P2RY14: variants seen among roughly 807,000 people sequenced by gnomAD.
The protein encoded by P2RY14 is P2Y purinoceptor 14.
In P2RY14, 2 loss-of-function variants were observed where a neutral mutation model predicts 0.9. That is an observed-to-expected ratio of 2.16 (90% CI 0.88 to 6.79). P2RY14 has a LOEUF of 6.79. Among genes scored for constraint, P2RY14 ranks in the 30% most tolerant of loss-of-function variants. The pLI, the probability that P2RY14 is intolerant of heterozygous loss-of-function variation, is 0.05. For missense variants in P2RY14, 378 were observed against 400.1 expected (o/e 0.94, Z 0.47); for synonymous variants, 158 against 147.2 (o/e 1.07, Z -0.53).
intron 1 of P2RY14, among the ~76,000 whole-genome samples, chr3:151,223,645 A>G (rs1729867130): frequency 6.6e-6 from 1 of 152,224 alleles, no homozygotes; most frequent in Admixed American, 6.5e-5. Context: ...TTGGATACAC[A>G]TGGACACAAA....
At chr3:151,247,637 G>A (rs1262169978) in intron 1 of P2RY14, among the ~76,000 whole-genome samples, 1 of 141,914 alleles carries the variant, frequency 7.0e-6, no homozygotes, top group African/African-American at 2.6e-5. Flanking sequence ...GGGAGGGATA[G>A]CATTGGGAGA....
At position 151,213,334 on chromosome 3, in the gene P2RY14, C is replaced by T. The variant is rs1286694741; in HGVS notation, c.983G>A (p.Gly328Glu). 1.9e-6 allele frequency: 3 copies of T among 1,612,174 alleles called. No homozygotes were observed. Among genetic ancestry groups the T allele is most frequent in the Non-Finnish European group, 2.5e-6 (3 of 1,179,414 alleles). Reference protein sequence around the residue: ...NDLDISRIKRGNTTLESTDTL With the variant: ...NDLDISRIKRENTTLESTDTL ...ATCTGTGCTTTCAAGTGTTGTATTT[C>T]CTCTTTTGATTCTGGAAATGTCTAG... Residue 328 changes from glycine (G) to glutamate (E), a missense_variant, in exon 3 of 3, where the codon GGA (glycine) becomes GAA (glutamate). Coordinates refer to ENST00000309170, the MANE Select transcript of P2RY14 (RefSeq NM_014879.4).
At chr3:151,239,100 A>G (rs1285169481) in intron 1 of P2RY14, among the ~76,000 whole-genome samples, 1 of 152,240 alleles carries the variant, frequency 6.6e-6, no homozygotes, top group African/African-American at 2.4e-5. Context: ...GAGGAGGGGC[A>G]ATATTAATTA....
At chr3:151,273,273 C>A (rs960934384) in intron 1 of P2RY14, among the ~76,000 whole-genome samples, 1 of 148,558 alleles carries the variant, frequency 6.7e-6, no homozygotes, top group Non-Finnish European at 1.5e-5. Context: ...CTGTGTCACC[C>A]AGGCTGTGGT....
intron 1 of P2RY14, among the ~76,000 whole-genome samples, chr3:151,249,554 G>A (rs1736436833): frequency 6.6e-6 from 1 of 152,052 alleles, no homozygotes; most frequent in Admixed American, 6.6e-5. Flanking sequence ...ATCTCCTCTG[G>A]GACTTGGGGG....
chr3:151,258,218 A>G (rs1195925077), intron 1 of P2RY14, among the ~76,000 whole-genome samples: 4 of 152,216 alleles, frequency 2.6e-5, no homozygotes, highest in Non-Finnish European at 5.9e-5. Flanking sequence ...TCTGGAAGCT[A>G]GATGGGAACT....
chr3:151,214,340 C>A lies in P2RY14; in HGVS notation c.-24G>T. On this transcript the variant is annotated splice_region_variant and 5_prime_UTR_variant, in exon 3 of 3. Coordinates refer to ENST00000309170, the MANE Select transcript of P2RY14 (RefSeq NM_014879.4). ...ATCTTGTAACTTCTGAAGGCAGAGGCCTGAAAAGAGGTGTGAACTGGTCAC... is the reference window on the plus strand; with the variant it reads ...ATCTTGTAACTTCTGAAGGCAGAGGACTGAAAAGAGGTGTGAACTGGTCAC... 1 of 1,600,864 alleles carries A rather than the reference C, an allele frequency of 6.2e-7. No individual in the cohort carries two copies. Among genetic ancestry groups the A allele is most frequent in the Non-Finnish European group, 8.5e-7 (1 of 1,173,188 alleles).
intron 1 of P2RY14, chr3:151,269,421 ACAC>A (rs1740453006): frequency 9.6e-6 from 2 of 208,892 alleles, no homozygotes; most frequent in African/African-American, 4.7e-5. Context: ...ACACACACAC[ACAC>A]ACACACACAC....
At chr3:151,218,635 G>A (rs369646529) in intron 2 of P2RY14, among the ~76,000 whole-genome samples, 1 of 151,954 alleles carries the variant, frequency 6.6e-6, no homozygotes, top group Non-Finnish European at 1.5e-5. Context: ...TTGGGAGGCC[G>A]AGGTGGGTGG....
intron 1 of P2RY14, among the ~76,000 whole-genome samples, chr3:151,228,719 A>C (rs1026223245): frequency 6.6e-6 from 1 of 152,184 alleles, no homozygotes; most frequent in African/African-American, 2.4e-5. Context: ...ACACAATGCT[A>C]ATCTTTCATG....
chr3:151,272,626 A>G (rs1357677312), intron 1 of P2RY14, among the ~76,000 whole-genome samples: 1 of 152,238 alleles, frequency 6.6e-6, no homozygotes, highest in East Asian at 1.9e-4. Context: ...TGCCCCAAGT[A>G]TAAAATATTG....
chr3:151,241,791 C>T lies in P2RY14; in HGVS notation c.-132-22149G>A, dbSNP rs145984473. ...TGAATTAGGGGAGGAGCCAAGATGG[C>T]CCAATAGGAACAGCTCCGGTCTACA... On this transcript the variant is annotated intron_variant, in intron 1 of 2. Transcript: ENST00000309170. 1,414 of 153,772 alleles carry T rather than the reference C, an allele frequency of 9.2e-3. 18 individuals carry two copies. Among genetic ancestry groups the T allele is most frequent in the African/African-American group, 0.032 (1,337 of 41,404 alleles). The allele number at this position is 153,772 out of a possible 1,614,324, so 9.5% of individuals were successfully genotyped here.
intron 1 of P2RY14, among the ~76,000 whole-genome samples, chr3:151,245,399 C>A (rs1373873992): frequency 6.7e-6 from 1 of 150,130 alleles, no homozygotes; most frequent in Non-Finnish European, 1.5e-5. Context: ...AATCCAGCAG[C>A]ACATCAAAAA....
intron 1 of P2RY14, among the ~76,000 whole-genome samples, chr3:151,246,166 A>C (rs1735411220): frequency 6.6e-6 from 1 of 152,252 alleles, no homozygotes; most frequent in Non-Finnish European, 1.5e-5. Context: ...GGGTAGGAAG[A>C]ATAAATATCG....
chr3:151,263,977 C>G (rs186738399), intron 1 of P2RY14, among the ~76,000 whole-genome samples: 53 of 152,338 alleles, frequency 3.5e-4, no homozygotes, highest in African/African-American at 1.2e-3. Context: ...AGATCTCTTA[C>G]CACCACTCCT....
At chr3:151,232,953 C>G (rs758880773) in intron 1 of P2RY14, among the ~76,000 whole-genome samples, 1 of 152,186 alleles carries the variant, frequency 6.6e-6, no homozygotes, top group Non-Finnish European at 1.5e-5. Flanking sequence ...AAACCATCAT[C>G]TGTAAAACAA....
intron 1 of P2RY14, among the ~76,000 whole-genome samples, chr3:151,276,558 CT>C (rs1741893557): frequency 6.6e-6 from 1 of 152,184 alleles, no homozygotes; most frequent in South Asian, 2.1e-4. Context: ...ACCGACCTAA[CT>C]TCTAAGGATA....
chr3:151,253,459 C>T (rs953581540), intron 1 of P2RY14, among the ~76,000 whole-genome samples: 6 of 152,158 alleles, frequency 3.9e-5, no homozygotes, highest in African/African-American at 7.2e-5. Context: ...TTTGTTGGGC[C>T]GTTTCCTAAG....
chr3:151,241,230 T>A (rs568396234), intron 1 of P2RY14, among the ~76,000 whole-genome samples: 227 of 152,364 alleles, frequency 1.5e-3, no homozygotes, highest in Non-Finnish European at 2.8e-3. Context: ...AGTGATCAAA[T>A]TGTTGATATT....
Sources: allele counts gnomAD v4.1 joint callset (sites outside exome capture counted in the v4.1 genomes callset), GRCh38; gene constraint gnomAD v4.1.1; transcripts MANE v1.5; gene names NCBI Gene and HGNC (gene_info 2026-07-23, HGNC 2026-07-21).